The following MAML2 variants were observed in gnomAD, a reference collection of about 807,000 sequenced individuals.
The protein encoded by MAML2 is mastermind like transcriptional coactivator 2, also known as mastermind-like protein 2.
MAML2 carries 22 observed loss-of-function variants against 96.1 expected under a neutral mutation model. The observed-to-expected ratio is 0.23, with a 90% CI of 0.16 to 0.33. The LOEUF is 0.33. Among genes scored for constraint, MAML2 ranks in the 10% least tolerant of loss-of-function variants. The pLI, the probability that MAML2 is intolerant of heterozygous loss-of-function variation, is 1.00. For synonymous variants in MAML2, 561 were observed against 521.3 expected, an observed-to-expected ratio of 1.08 and a Z score of -1.04; for missense variants, 1,367 against 1,392.4, an observed-to-expected ratio of 0.98 and a Z score of 0.29.
chr11:96,081,686 T>C (rs1591000615), intron 2 of MAML2, among the ~76,000 whole-genome samples: 2 of 152,314 alleles, frequency 1.3e-5, no homozygotes, highest in Admixed American at 1.3e-4. Context: ...CAAACTAACG[T>C]TTGTCAATTG....
intron 1 of MAML2, among the ~76,000 whole-genome samples, chr11:96,313,531 A>C (rs534862801): frequency 6.6e-6 from 1 of 152,156 alleles, no homozygotes; most frequent in South Asian, 2.1e-4. Context: ...AGCCTCCCCA[A>C]AATTGCCCCA....
At chr11:95,993,744 C>T (rs1453487621) in intron 2 of MAML2, among the ~76,000 whole-genome samples, 3 of 152,160 alleles carry the variant, frequency 2.0e-5, no homozygotes. Context: ...AAGCCGAAAG[C>T]CTTGGCCTTG....
intron 2 of MAML2, among the ~76,000 whole-genome samples, chr11:96,072,567 A>G (rs1208689309): frequency 6.6e-6 from 1 of 152,208 alleles, no homozygotes; most frequent in Non-Finnish European, 1.5e-5. Context: ...AGTTTACATA[A>G]AGTAAGCTCT....
Position 96,281,323 on chromosome 11 carries a change from A to G in MAML2, c.513+60060T>C, listed in dbSNP as rs149344875. On this transcript the variant is annotated intron_variant, in intron 1 of 4. Transcript: ENST00000524717. ...GGGTCTGGTGGCAGGTGATGGATAG[A>G]TCACTAAACATTTGTCCAAGAGAGT... Among the ~76,000 whole-genome samples, 27 of 152,260 alleles carry G rather than the reference A, an allele frequency of 1.8e-4. No homozygotes were observed. In the East Asian group the frequency reaches 5.2e-3, roughly 29 times the overall value.
At chr11:96,183,039 C>T (rs924139227) in intron 1 of MAML2, among the ~76,000 whole-genome samples, 28 of 150,276 alleles carry the variant, frequency 1.9e-4, no homozygotes, top group Non-Finnish European at 4.1e-4. Flanking sequence ...CTCACTGCAA[C>T]CTCTGCCTCC....
chr11:96,278,056 G>A (rs1043431408), intron 1 of MAML2, among the ~76,000 whole-genome samples: 4 of 152,092 alleles, frequency 2.6e-5, no homozygotes, highest in Admixed American at 2.6e-4. Context: ...GCAGAGTCCA[G>A]TAATTTGCAT....
intron 1 of MAML2, among the ~76,000 whole-genome samples, chr11:96,184,763 G>C (rs1291221882): frequency 6.6e-6 from 1 of 151,784 alleles, no homozygotes; most frequent in African/African-American, 2.4e-5. Context: ...CTAATTTTTT[G>C]TATTCTTAGT....
At chr11:96,250,266 A>T (rs1270768104) in intron 1 of MAML2, among the ~76,000 whole-genome samples, 4 of 129,910 alleles carry the variant, frequency 3.1e-5, no homozygotes, top group Non-Finnish European at 6.5e-5. Context: ...TTTTATTCTT[A>T]AAATTTTATT....
rs770377937 is a variant in MAML2 at position 95,979,459 on chromosome 11, G to A, written c.2960C>T (p.Pro987Leu). ...EALTSAGVRFPTGTPAAYTPN... is the reference protein window; with the variant it reads ...EALTSAGVRFLTGTPAAYTPN... ...GGTATAGGCTGCAGGTGTACCTGTG[G>A]GGAAGCGGACTCCTGCAGACGTCAG... The change falls in exon 5 of 5, where the codon CCC (proline) becomes CTC (leucine). Residue 987 changes from proline to leucine, a missense_variant. Coordinates refer to ENST00000524717, the MANE Select transcript of MAML2 (RefSeq NM_032427.4). 7 of 1,613,594 alleles carry A rather than the reference G, an allele frequency of 4.3e-6. No individual in the cohort carries two copies. In the East Asian group the frequency reaches 6.7e-5, roughly 15 times the overall value.
intron 1 of MAML2, among the ~76,000 whole-genome samples, chr11:96,166,059 T>C (rs1408328804): frequency 2.0e-5 from 3 of 152,180 alleles, no homozygotes; most frequent in African/African-American, 7.2e-5. Flanking sequence ...CAATTCTCAT[T>C]GAATGCCAGC....
intron 1 of MAML2, among the ~76,000 whole-genome samples, chr11:96,171,887 G>T (rs1245794205): frequency 6.6e-6 from 1 of 152,240 alleles, no homozygotes; most frequent in Non-Finnish European, 1.5e-5. Context: ...TCCCTCAGAA[G>T]AAGCACTGCT....
chr11:96,087,051 A>G (rs1859627256), intron 2 of MAML2, among the ~76,000 whole-genome samples: 1 of 152,192 alleles, frequency 6.6e-6, no homozygotes, highest in South Asian at 2.1e-4. Flanking sequence ...AAATCAGGCC[A>G]ATTACTAACC....
intron 1 of MAML2, among the ~76,000 whole-genome samples, chr11:96,213,700 A>C (rs950534296): frequency 1.8e-4 from 28 of 152,172 alleles, no homozygotes; most frequent in Non-Finnish European, 4.4e-5. Flanking sequence ...ACTCCAAAAG[A>C]TACCAAGGAT....
At chr11:96,128,952 G>A (rs982885551) in intron 1 of MAML2, among the ~76,000 whole-genome samples, 1 of 152,146 alleles carries the variant, frequency 6.6e-6, no homozygotes, top group African/African-American at 2.4e-5. Context: ...GGCTCAGGCT[G>A]AAATTTTACA....
At chr11:96,073,710 A>G (rs1333563233) in intron 2 of MAML2, among the ~76,000 whole-genome samples, 1 of 152,158 alleles carries the variant, frequency 6.6e-6, no homozygotes, top group Non-Finnish European at 1.5e-5. Context: ...AGTGCCTTCC[A>G]CATTCCAGTT....
At chr11:96,061,553 G>C (rs1859159653) in intron 2 of MAML2, among the ~76,000 whole-genome samples, 1 of 152,092 alleles carries the variant, frequency 6.6e-6, no homozygotes, top group Non-Finnish European at 1.5e-5. Flanking sequence ...AATCAGAATT[G>C]CTTCCTTGGA....
chr11:96,336,160 T>C (rs1310592353), intron 1 of MAML2, among the ~76,000 whole-genome samples: 3 of 143,552 alleles, frequency 2.1e-5, no homozygotes, highest in Non-Finnish European at 3.0e-5. Flanking sequence ...CATAGGGACC[T>C]GAACATGGTC....
intron 1 of MAML2, among the ~76,000 whole-genome samples, chr11:96,171,942 T>C (rs536057748): frequency 6.6e-6 from 1 of 152,338 alleles, no homozygotes; most frequent in East Asian, 1.9e-4. Flanking sequence ...CTGACAACTT[T>C]GGTGAAATTG....
rs1204757750 is a variant in MAML2, at chr11:96,091,848, A to T, written c.2139+44T>A. On this transcript the variant is annotated intron_variant, in intron 2 of 4. Coordinates refer to ENST00000524717, the MANE Select transcript of MAML2 (RefSeq NM_032427.4). ...TAACCACAGCATAAAGATCAAGCTA[A>T]ATGGTCTCTGGGAACTCTGTATTTG... is the stretch of plus-strand genomic sequence containing the variant. The T allele has an allele frequency of 2.5e-6, 4 of 1,578,858 alleles. No individual in the cohort carries two copies. In the African/African-American group the frequency reaches 5.4e-5, roughly 21 times the overall value.
Sources: allele counts gnomAD v4.1 joint callset (sites outside exome capture counted in the v4.1 genomes callset), GRCh38; gene constraint gnomAD v4.1.1; transcripts MANE v1.5; gene names NCBI Gene and HGNC (gene_info 2026-07-23, HGNC 2026-07-21).